Variants in NKAIN2 observed in about 807,000 individuals in gnomAD.
The protein encoded by NKAIN2 is sodium/potassium-transporting ATPase subunit beta-1-interacting protein 2.
NKAIN2 carries 14 observed loss-of-function variants against 32.6 expected under a neutral mutation model. That is an observed-to-expected ratio of 0.43 (90% confidence interval 0.28 to 0.67). NKAIN2 has a LOEUF of 0.67. Ranked by LOEUF, NKAIN2 falls within the 30% of genes least tolerant of loss-of-function variation. NKAIN2 has a pLI of 0.17. For synonymous variants in NKAIN2, 80 were observed against 87.2 expected, an observed-to-expected ratio of 0.92 and a Z score of 0.46; for missense variants, 198 against 258.3, an observed-to-expected ratio of 0.77 and a Z score of 1.60.
intron 4 of NKAIN2, among the ~76,000 whole-genome samples, chr6:124,720,147 T>C (rs1056784885): frequency 2.6e-5 from 4 of 152,096 alleles, no homozygotes; most frequent in African/African-American, 9.7e-5. Flanking sequence ...AAATGACAAA[T>C]AAGTGAAATA....
intron 1 of NKAIN2, among the ~76,000 whole-genome samples, chr6:123,836,567 A>T (rs545612044): frequency 1.3e-5 from 2 of 152,190 alleles, no homozygotes; most frequent in South Asian, 2.1e-4. Context: ...AAGATGAGGA[A>T]CCGTCACAAT....
chr6:123,915,676 T>C (rs1775455658), intron 1 of NKAIN2, among the ~76,000 whole-genome samples: 1 of 152,166 alleles, frequency 6.6e-6, no homozygotes, highest in Admixed American at 6.5e-5. Flanking sequence ...ATACTTCAAA[T>C]TGATCTATAA....
chr6:124,448,242 T>A (rs746146762), intron 3 of NKAIN2, among the ~76,000 whole-genome samples: 5 of 152,116 alleles, frequency 3.3e-5, no homozygotes, highest in Non-Finnish European at 7.4e-5. Flanking sequence ...TAAGGAAATC[T>A]CTGCTCATTA....
chr6:123,980,733 A>G (rs1778850854), intron 1 of NKAIN2, among the ~76,000 whole-genome samples: 1 of 152,202 alleles, frequency 6.6e-6, no homozygotes, highest in South Asian at 2.1e-4. Context: ...TATTTAAAGG[A>G]TACTTAGTAG....
intron 4 of NKAIN2, among the ~76,000 whole-genome samples, chr6:124,694,664 T>A (rs1230985055): frequency 6.6e-6 from 1 of 152,202 alleles, no homozygotes; most frequent in Non-Finnish European, 1.5e-5. Context: ...ATAATTACAG[T>A]AAATCTCCAG....
intron 1 of NKAIN2, among the ~76,000 whole-genome samples, chr6:124,018,698 A>C (rs992360220): frequency 3.3e-5 from 5 of 152,178 alleles, no homozygotes; most frequent in African/African-American, 1.2e-4. Context: ...TTCATTGTCC[A>C]TATGACTATC....
chr6:124,805,391 T>A (rs1780497557), intron 5 of NKAIN2, among the ~76,000 whole-genome samples: 1 of 152,064 alleles, frequency 6.6e-6, no homozygotes, highest in African/African-American at 2.4e-5. Context: ...GGGTCTGGAG[T>A]GGACCTCTAG....
At chr6:123,988,829 T>G (rs1779277479) in intron 1 of NKAIN2, among the ~76,000 whole-genome samples, 1 of 151,940 alleles carries the variant, frequency 6.6e-6, no homozygotes, top group Non-Finnish European at 1.5e-5. Context: ...CTTTAGTAGT[T>G]TGTAGTAAAA....
At chr6:124,043,226 G>A (rs1374916302) in intron 1 of NKAIN2, among the ~76,000 whole-genome samples, 3 of 151,912 alleles carry the variant, frequency 2.0e-5, no homozygotes, top group Non-Finnish European at 4.4e-5. Flanking sequence ...GCATGGTGGC[G>A]GGTGCCTTTA....
At position 124,803,671 on chromosome 6, in the gene NKAIN2, C is replaced by T. The variant is rs115810492; in HGVS notation, c.535+12272C>T. ...ATCTGAAGGCTCTCCATAGACCTCC[C>T]TCTGGTCTCTTCAGCTTCCGTGGAT... On this transcript the variant is annotated intron_variant, in intron 5 of 6. Transcript: ENST00000368417. 4.6e-3 allele frequency among the ~76,000 whole-genome samples: 694 copies of T among 152,248 alleles called. 5 individuals are homozygous for T. The highest frequency in any genetic ancestry group is 0.016 in the African/African-American group (662 of 41,562).
intron 2 of NKAIN2, among the ~76,000 whole-genome samples, chr6:124,339,521 A>G (rs1798030788): frequency 6.6e-6 from 1 of 152,126 alleles, no homozygotes; most frequent in African/African-American, 2.4e-5. Flanking sequence ...TTGTGGCCAC[A>G]TTAGTCCAGT....
chr6:123,842,714 G>T (rs1016954093), intron 1 of NKAIN2, among the ~76,000 whole-genome samples: 1 of 151,630 alleles, frequency 6.6e-6, no homozygotes, highest in Non-Finnish European at 1.5e-5. Flanking sequence ...TAGAGGATTA[G>T]CTCTGCCCAA....
intron 1 of NKAIN2, among the ~76,000 whole-genome samples, chr6:123,849,966 G>T (rs201030005): frequency 0.22 from 4,604 of 20,838 alleles, 456 homozygotes; most frequent in African/African-American, 0.25. Flanking sequence ...TTTTTTGTTT[G>T]TTTGTTTTTT....
intron 1 of NKAIN2, among the ~76,000 whole-genome samples, chr6:124,078,327 G>A (rs1400894636): frequency 6.7e-6 from 1 of 149,992 alleles, no homozygotes; most frequent in East Asian, 1.9e-4. Flanking sequence ...CTGTGCAGTA[G>A]TGGAAGTTAA....
chr6:124,067,391 G>A (rs960419667), intron 1 of NKAIN2, among the ~76,000 whole-genome samples: 3 of 152,016 alleles, frequency 2.0e-5, no homozygotes, highest in African/African-American at 2.4e-5. Flanking sequence ...TCACTCCACA[G>A]TATTTCCTTT....
chr6:123,907,123 A>G (rs1774919521), intron 1 of NKAIN2, among the ~76,000 whole-genome samples: 1 of 152,044 alleles, frequency 6.6e-6, no homozygotes, highest in Non-Finnish European at 1.5e-5. Context: ...CTGGGGTTTT[A>G]TTTACTGCTT....
intron 1 of NKAIN2, among the ~76,000 whole-genome samples, chr6:124,224,004 A>C (rs1195847126): frequency 6.6e-6 from 1 of 152,146 alleles, no homozygotes; most frequent in Admixed American, 6.5e-5. Flanking sequence ...ATTAATCTAC[A>C]ACTTAAGGAA....
chr6:124,464,488 A>G (rs1776662920), intron 3 of NKAIN2, among the ~76,000 whole-genome samples: 1 of 151,218 alleles, frequency 6.6e-6, no homozygotes, highest in Admixed American at 6.6e-5. Context: ...CAACTGATGG[A>G]CTTTGATTTA....
chr6:124,499,065 G>C (rs1355172981), intron 3 of NKAIN2, among the ~76,000 whole-genome samples: 2 of 152,032 alleles, frequency 1.3e-5, no homozygotes, highest in African/African-American at 2.4e-5. Context: ...ACCTTATCCG[G>C]CCAATGTACT....
Sources: allele counts gnomAD v4.1 joint callset (sites outside exome capture counted in the v4.1 genomes callset), GRCh38; gene constraint gnomAD v4.1.1; transcripts MANE v1.5; gene names NCBI Gene and HGNC (gene_info 2026-07-23, HGNC 2026-07-21).